LGSN: variants seen among roughly 807,000 people sequenced by gnomAD.
LGSN encodes lengsin, lens protein with glutamine synthetase domain.
LGSN carries 21 observed loss-of-function variants against 19.5 expected under a neutral mutation model. That is an observed-to-expected ratio of 1.07 (90% CI 0.76 to 1.55). The LOEUF is 1.55. LGSN is among the 40% of genes most tolerant of loss of function. The pLI, the probability that LGSN is intolerant of heterozygous loss-of-function variation, is 0.00. For synonymous variants in LGSN, 257 were observed against 215.6 expected (o/e 1.19, Z -1.68); for missense variants, 673 against 608.5 (o/e 1.11, Z -1.12).
chr6:63,389,361 C>T, the LGSN span, among the ~76,000 whole-genome samples: 1 of 152,178 alleles, frequency 6.6e-6, no homozygotes, highest in Non-Finnish European at 1.5e-5. Context: ...CATTTTGTAT[C>T]TTCTTGTGTT....
chr6:63,361,773 T>A, the LGSN span, among the ~76,000 whole-genome samples: 8 of 152,174 alleles, frequency 5.3e-5, no homozygotes, highest in African/African-American at 1.9e-4. Flanking sequence ...GGGCTGGAGC[T>A]GTTCCTATTC....
At chr6:63,385,045 G>A in the LGSN span, among the ~76,000 whole-genome samples, 1,124 of 152,308 alleles carry the variant, frequency 7.4e-3, 8 homozygotes, top group African/African-American at 0.025. Flanking sequence ...GTTGAACTTC[G>A]AGCCTGCAGA....
the LGSN span, among the ~76,000 whole-genome samples, chr6:63,347,751 A>G: frequency 6.6e-6 from 1 of 152,228 alleles, no homozygotes; most frequent in East Asian, 1.9e-4. Flanking sequence ...CTTATACTCA[A>G]TTAGTCACTA....
the LGSN span, among the ~76,000 whole-genome samples, chr6:63,474,695 G>A: frequency 2.0e-5 from 3 of 151,920 alleles, no homozygotes; most frequent in African/African-American, 4.8e-5. Flanking sequence ...GCTGAGGCAG[G>A]AGGATCACCT....
chr6:63,552,353 T>A, the LGSN span, among the ~76,000 whole-genome samples: 8 of 152,248 alleles, frequency 5.3e-5, no homozygotes, highest in Admixed American at 5.2e-4. Flanking sequence ...TGTCTGTTCA[T>A]GTCCTTTACC....
At chr6:63,502,063 A>G in the LGSN span, among the ~76,000 whole-genome samples, 7 of 152,298 alleles carry the variant, frequency 4.6e-5, no homozygotes, top group Admixed American at 2.0e-4. Context: ...GCCTCCCAAA[A>G]TGTTGGGATT....
the LGSN span, among the ~76,000 whole-genome samples, chr6:63,482,645 G>C: frequency 6.6e-6 from 1 of 152,072 alleles, no homozygotes; most frequent in Non-Finnish European, 1.5e-5. Context: ...AGAATTGCTT[G>C]AACCCAGGAG....
chr6:63,467,543 T>C, the LGSN span, among the ~76,000 whole-genome samples: 4 of 152,224 alleles, frequency 2.6e-5, no homozygotes, highest in Non-Finnish European at 5.9e-5. Context: ...CCTGTCTCCT[T>C]GGCTTACCAA....
chr6:63,457,136 A>G, the LGSN span, among the ~76,000 whole-genome samples: 1 of 152,212 alleles, frequency 6.6e-6, no homozygotes, highest in African/African-American at 2.4e-5. Context: ...AGTCCACACT[A>G]CACCAAATAT....
At chr6:63,494,890 G>A in the LGSN span, among the ~76,000 whole-genome samples, 394 of 152,230 alleles carry the variant, frequency 2.6e-3, 3 homozygotes, top group African/African-American at 8.8e-3. Context: ...ACAATGTTCC[G>A]AAACAAGATA....
chr6:63,496,458 G>A, the LGSN span, among the ~76,000 whole-genome samples: 1 of 152,200 alleles, frequency 6.6e-6, no homozygotes, highest in African/African-American at 2.4e-5. Context: ...GTTGCATATA[G>A]CTGTGTGGCA....
chr6:63,405,768 TA>T, the LGSN span, among the ~76,000 whole-genome samples: 1 of 152,088 alleles, frequency 6.6e-6, no homozygotes, highest in Admixed American at 6.6e-5. Flanking sequence ...CAGTGTGCTG[TA>T]TTCAGGAAAC....
the LGSN span, among the ~76,000 whole-genome samples, chr6:63,505,412 T>C: frequency 2.0e-5 from 3 of 151,406 alleles, no homozygotes; most frequent in South Asian, 4.2e-4. Flanking sequence ...ACCCCGTCTC[T>C]ACTAAAAATA....
the LGSN span, among the ~76,000 whole-genome samples, chr6:63,546,123 A>C: frequency 1.2e-3 from 178 of 152,328 alleles, 2 homozygotes; most frequent in Non-Finnish European, 1.9e-3. Context: ...AAGAAAATGT[A>C]GATTTTAAAA....
At chr6:63,521,246 A>G in the LGSN span, among the ~76,000 whole-genome samples, 1 of 152,232 alleles carries the variant, frequency 6.6e-6, no homozygotes, top group Non-Finnish European at 1.5e-5. Flanking sequence ...AAAAAAAATA[A>G]AACTGAGCAA....
At chr6:63,545,195 A>C in the LGSN span, among the ~76,000 whole-genome samples, 1 of 152,158 alleles carries the variant, frequency 6.6e-6, no homozygotes, top group African/African-American at 2.4e-5. Flanking sequence ...TTGATACTCA[A>C]ATCGTCCCAG....
the LGSN span, among the ~76,000 whole-genome samples, chr6:63,435,908 TAA>T: frequency 0.041 from 5,658 of 138,270 alleles, 330 homozygotes; most frequent in African/African-American, 0.14. Context: ...TCATCCAAAT[TAA>T]AAAAAAAAAA....
At chr6:63,366,057 C>T in the LGSN span, among the ~76,000 whole-genome samples, 2 of 152,174 alleles carry the variant, frequency 1.3e-5, no homozygotes, top group East Asian at 3.8e-4. Context: ...CTCACCACTC[C>T]TATTCAACAT....
the LGSN span, among the ~76,000 whole-genome samples, chr6:63,454,835 C>T: frequency 1.7e-5 from 2 of 114,872 alleles, no homozygotes; most frequent in African/African-American, 6.6e-5. Context: ...TTGTCTGTCA[C>T]CCAGGCTGGA....
Sources: gnomAD v4.1 joint callset for allele counts (sites outside exome capture counted in the v4.1 genomes callset) on GRCh38, gnomAD v4.1.1 for gene constraint, MANE v1.5 for transcripts, NCBI Gene and HGNC (gene_info 2026-07-23, HGNC 2026-07-21) for gene names.